ADAM10: variants seen among roughly 807,000 people sequenced by gnomAD.
ADAM10 encodes ADAM metallopeptidase domain 10, also known as disintegrin and metalloproteinase domain-containing protein 10.
In ADAM10, 17 loss-of-function variants were observed where a neutral mutation model predicts 90.1. The observed-to-expected ratio is 0.19, with a 90% CI of 0.13 to 0.28. The LOEUF (loss-of-function observed/expected upper bound fraction) is 0.28. Among genes scored for constraint, ADAM10 ranks in the 10% least tolerant of loss-of-function variants. ADAM10 has a pLI of 1.00. For synonymous variants in ADAM10, 310 were observed against 298.6 expected (o/e 1.04, Z -0.40); for missense variants, 610 against 914.3 (o/e 0.67, Z 4.29).
At chr15:58,624,707 A>G (rs1327300305) in intron 10 of ADAM10, among the ~76,000 whole-genome samples, 1 of 152,032 alleles carries the variant, frequency 6.6e-6, no homozygotes, top group African/African-American at 2.4e-5. Flanking sequence ...TGATTTTTTA[A>G]TTTTTTGTAG....
chr15:58,604,462 A>C (rs1203617220), intron 14 of ADAM10, among the ~76,000 whole-genome samples: 1 of 152,186 alleles, frequency 6.6e-6, no homozygotes, highest in Non-Finnish European at 1.5e-5. Context: ...CAGACTGAAG[A>C]TATGTTTCTC....
At chr15:58,678,542 C>A (rs1397773300) in intron 4 of ADAM10, among the ~76,000 whole-genome samples, 3 of 151,960 alleles carry the variant, frequency 2.0e-5, no homozygotes, top group Non-Finnish European at 4.4e-5. Context: ...TGTGGATATA[C>A]GGACAATAGA....
At chr15:58,607,873 A>G (rs1895321417) in intron 14 of ADAM10, among the ~76,000 whole-genome samples, 1 of 152,164 alleles carries the variant, frequency 6.6e-6, no homozygotes, top group African/African-American at 2.4e-5. Context: ...GAACACATCA[A>G]CTATAGAAGA....
At chr15:58,616,888 C>G (rs1215215564) in intron 11 of ADAM10, among the ~76,000 whole-genome samples, 2 of 152,134 alleles carry the variant, frequency 1.3e-5, no homozygotes, top group African/African-American at 4.8e-5. Flanking sequence ...GCGGACAGAT[C>G]ACAAGGTCAA....
rs560096112 is a variant in ADAM10, at chr15:58,696,108, C to G, written c.207-13794G>C. 5.1e-4 allele frequency among the ~76,000 whole-genome samples: 77 copies of G among 152,122 alleles called. 1 individual carries two copies. The highest frequency in any genetic ancestry group is 1.8e-3 in the African/African-American group (74 of 41,508). On this transcript the variant is annotated intron_variant, in intron 2 of 15. Transcript: ENST00000260408. ...TCCAGCCTGGGCAACAAGAGTGAGACTCCACCTCAAAAATTAAAATAAAAA... is the reference window on the plus strand; with the variant it reads ...TCCAGCCTGGGCAACAAGAGTGAGAGTCCACCTCAAAAATTAAAATAAAAA...
intron 5 of ADAM10, among the ~76,000 whole-genome samples, chr15:58,660,774 G>A (rs1214106677): frequency 2.0e-5 from 3 of 152,088 alleles, no homozygotes; most frequent in Non-Finnish European, 4.4e-5. Context: ...TGCTCCAAGG[G>A]CAGAGGAAAT....
chr15:58,735,071 G>C (rs536610342), intron 1 of ADAM10, among the ~76,000 whole-genome samples: 1 of 152,272 alleles, frequency 6.6e-6, no homozygotes, highest in South Asian at 2.1e-4. Context: ...AGTATAGATA[G>C]AGCATGTGGT....
rs189512307 is a variant in ADAM10 at position 58,746,481 on chromosome 15, G to A, written c.55+2999C>T. On this transcript the variant is annotated intron_variant, in intron 1 of 15. Coordinates refer to ENST00000260408, the MANE Select transcript of ADAM10 (RefSeq NM_001110.4). The stretch of plus-strand genomic sequence containing the variant: ...GTACCTTCCTACAACTACAACATAG[G>A]ATGGGACTGTGCCGGAAATGGGCAC... Among the ~76,000 whole-genome samples, 204 of 152,264 alleles carry A rather than the reference G, an allele frequency of 1.3e-3. 1 individual carries two copies. The highest frequency in any genetic ancestry group is 2.5e-3 in the Non-Finnish European group (169 of 68,018).
intron 11 of ADAM10, among the ~76,000 whole-genome samples, chr15:58,615,938 G>T (rs975355562): frequency 6.6e-6 from 1 of 151,908 alleles, no homozygotes. Context: ...AACCCGGGAG[G>T]CGCAGGTTGC....
At chr15:58,677,523 GAAAA>G (rs1897324749) in intron 4 of ADAM10, among the ~76,000 whole-genome samples, 1 of 151,852 alleles carries the variant, frequency 6.6e-6, no homozygotes, top group Admixed American at 6.6e-5. Flanking sequence ...AAGAAAGAAA[GAAAA>G]GTGGGAAAAA....
Position 58,597,352 on chromosome 15 carries a change from C to T in ADAM10, c.*195G>A, listed in dbSNP as rs1173279422. On this transcript the variant is annotated 3_prime_UTR_variant, in exon 16 of 16. Coordinates refer to ENST00000260408, the MANE Select transcript of ADAM10 (RefSeq NM_001110.4). Reference sequence around the variant, plus strand: ...AGAAAATTGGGTTCCTTTTCCACCTCCCACCCCCAAATTGGAATTTTCAGG... The same window carrying T: ...AGAAAATTGGGTTCCTTTTCCACCTTCCACCCCCAAATTGGAATTTTCAGG... 2.6e-6 allele frequency: 4 copies of T among 1,538,592 alleles called. No homozygotes were observed. The East Asian group carries it at 9.8e-5, about 38-fold the overall frequency.
chr15:58,659,788 G>A (rs1435028207), intron 5 of ADAM10, among the ~76,000 whole-genome samples: 1 of 152,106 alleles, frequency 6.6e-6, no homozygotes, highest in African/African-American at 2.4e-5. Flanking sequence ...GAGTGCAGTG[G>A]TGCAATCTCG....
intron 10 of ADAM10, among the ~76,000 whole-genome samples, chr15:58,623,255 G>C (rs1331041047): frequency 1.3e-5 from 2 of 152,162 alleles, no homozygotes; most frequent in Admixed American, 6.5e-5. Context: ...ACTCACATCA[G>C]CCCAGAAGAA....
At chr15:58,701,662 T>A (rs573148347) in intron 2 of ADAM10, among the ~76,000 whole-genome samples, 1 of 152,146 alleles carries the variant, frequency 6.6e-6, no homozygotes, top group African/African-American at 2.4e-5. Context: ...AAGAAATCAG[T>A]ATGTCAACAG....
chr15:58,687,062 T>A (rs2140763403), intron 2 of ADAM10, among the ~76,000 whole-genome samples: 1 of 152,346 alleles, frequency 6.6e-6, no homozygotes. Flanking sequence ...CCATAAAAAA[T>A]TTGTTCTTTT....
intron 2 of ADAM10, among the ~76,000 whole-genome samples, chr15:58,684,905 G>C (rs1411277842): frequency 1.3e-5 from 2 of 152,098 alleles, no homozygotes; most frequent in Non-Finnish European, 2.9e-5. Flanking sequence ...GAATTACGCT[G>C]AATTGTTGAA....
chr15:58,731,446 C>G (rs1248968469), intron 1 of ADAM10, among the ~76,000 whole-genome samples: 1 of 151,784 alleles, frequency 6.6e-6, no homozygotes, highest in East Asian at 1.9e-4. Context: ...TAGCAAAGCC[C>G]CGTCTCAACA....
chr15:58,700,511 CAA>C (rs532782608), intron 2 of ADAM10, among the ~76,000 whole-genome samples: 207 of 151,848 alleles, frequency 1.4e-3, no homozygotes, highest in African/African-American at 4.6e-3. Context: ...AGGAAGAAAT[CAA>C]AAAACAAATG....
chr15:58,593,407 G>A lies in ADAM10; in HGVS notation c.*4140C>T, dbSNP rs1293305609. 6.6e-6 allele frequency: 1 copy of A among 152,070 alleles called. No homozygotes were observed. The highest frequency in any genetic ancestry group is 1.5e-5 in the Non-Finnish European group (1 of 68,050). The allele number at this position is 152,070 out of a possible 1,614,324, so 9.4% of individuals were successfully genotyped here. ...TTTAGTAGAGACGGGGTTTCACCAT[G>A]TTGGCCAGGGTGGTCTCGAACTCCT... On this transcript the variant is annotated 3_prime_UTR_variant, in exon 16 of 16. Transcript: ENST00000260408.
Sources: allele counts gnomAD v4.1 joint callset (sites outside exome capture counted in the v4.1 genomes callset), GRCh38; gene constraint gnomAD v4.1.1; transcripts MANE v1.5; gene names NCBI Gene and HGNC (gene_info 2026-07-23, HGNC 2026-07-21).